The following IL13RA2 variants were observed in gnomAD, a reference collection of about 807,000 sequenced individuals.
IL13RA2 encodes interleukin 13 receptor subunit alpha 2, also known as interleukin-13 receptor subunit alpha-2.
In IL13RA2, 25 loss-of-function variants were observed where a neutral mutation model predicts 34.1. That is an observed-to-expected ratio of 0.73 (90% CI 0.53 to 1.03). The LOEUF is 1.03. Ranked by LOEUF, IL13RA2 falls within the 50% of genes least tolerant of loss-of-function variation. The pLI is 0.00. For missense variants in IL13RA2, 297 were observed against 280.9 expected, an observed-to-expected ratio of 1.06 and a Z score of -0.41; for synonymous variants, 106 against 100.4, an observed-to-expected ratio of 1.06 and a Z score of -0.33.
At chrX:115,014,382 C>A (rs201829251) in intron 4 of IL13RA2, 39 bp downstream of exon 4, 1 of 1,027,372 alleles carries the variant, frequency 9.7e-7, no homozygotes, top group African/African-American at 1.9e-5. Context: ...ATGAATTGTT[C>A]TGATAGTATT....
Position 115,010,822 on chromosome X carries a change from C to A in IL13RA2, c.528G>T (p.Glu176Asp). 1 of 1,007,042 alleles carries A rather than the reference C, an allele frequency of 9.9e-7. No individual in the cohort carries two copies. Among genetic ancestry groups the A allele is most frequent in the East Asian group, 3.4e-5 (1 of 29,612 alleles). 83.0% of individuals were successfully genotyped at this position (1,007,042 alleles called of 1,213,427 possible). A position where few individuals can be genotyped will look rare whatever the true frequency, so the allele number is the denominator to read the frequency against. The change falls in exon 6 of 10, where the codon GAG becomes GAT. Residue 176 changes from glutamate (E) to aspartate (D), a missense_variant. Glu to Asp is a conservative substitution (Grantham distance 45, BLOSUM62 2). Coordinates refer to ENST00000243213, the MANE Select transcript of IL13RA2 (RefSeq NM_000640.3). ...CACACTGTAATGCATGATCCAAGCC[C>A]TCATACCTGTAAAATGAGTGTTGTG... ...DTNYNLFYWY[E>D]GLDHALQCVD...
intron 8 of IL13RA2, among the ~76,000 whole-genome samples, 163 bp from the exon 9 acceptor site, chrX:115,005,478 T>A (rs2071681986): frequency 8.9e-6 from 1 of 112,618 alleles, no homozygotes; most frequent in Non-Finnish European, 1.9e-5. Flanking sequence ...TAGCGTTCCT[T>A]TCATTTGTGC....
Position 115,008,000 on chromosome X carries a change from C to T in IL13RA2, c.929G>A (p.Ser310Asn). ...ATCTGAGCAATAAATATTCACTTTG[C>T]TTCTTACTACAAAGCATAATTGTCG... ...ETRQLCFVVR[S>N]KVNIYCSDDG... Residue 310 changes from serine to asparagine, a missense_variant, in exon 8 of 10, where the codon AGC (serine) becomes AAC (asparagine). Physicochemically the swap from Ser to Asn is conservative, Grantham distance 46 (BLOSUM62 1). Coordinates refer to ENST00000243213, the MANE Select transcript of IL13RA2 (RefSeq NM_000640.3). 9.0e-7 allele frequency: 1 copy of T among 1,111,226 alleles called. No homozygotes were observed. Among genetic ancestry groups the T allele is most frequent in the Admixed American group, 2.2e-5 (1 of 45,462 alleles). 91.6% of individuals were successfully genotyped at this position (1,111,226 alleles called of 1,213,427 possible).
At chrX:115,007,865 C>A in intron 8 of IL13RA2, 67 bp downstream of exon 8, 1 of 670,121 alleles carries the variant, frequency 1.5e-6, no homozygotes, top group South Asian at 2.7e-5. Flanking sequence ...TTACAAAATA[C>A]ACCAAAAGAA....
chrX:115,010,311 C>A (rs1485369513), intron 6 of IL13RA2, among the ~76,000 whole-genome samples: 2 of 112,058 alleles, frequency 1.8e-5, no homozygotes, highest in South Asian at 3.7e-4. Flanking sequence ...GAAGAAGTAT[C>A]TTCATAATTA....
At chrX:115,005,370 T>G (rs1485496410) in intron 8 of IL13RA2, 55 bp from the exon 9 acceptor site, 1 of 613,451 alleles carries the variant, frequency 1.6e-6, no homozygotes, top group African/African-American at 2.2e-5. Context: ...CCACTATTTT[T>G]GAAACTGAAT....
rs782441157 is a variant in IL13RA2, at chrX:115,012,892, G to A, written c.521+877C>T. Among the ~76,000 whole-genome samples the A allele has an allele frequency of 2.1e-3, 236 of 111,815 alleles. 1 individual carries two copies. Among genetic ancestry groups the A allele is most frequent in the Non-Finnish European group, 3.5e-3 (184 of 53,142 alleles). On this transcript the variant is annotated intron_variant, in intron 5 of 9. Coordinates refer to ENST00000243213, the MANE Select transcript of IL13RA2 (RefSeq NM_000640.3). Reference sequence around the variant, plus strand: ...CCTTGAAAAAGATGGATAAAAATTGGTGAAAGAAAGATAGAGCCAGAGGGC... The same window carrying A: ...CCTTGAAAAAGATGGATAAAAATTGATGAAAGAAAGATAGAGCCAGAGGGC...
chrX:115,014,587 A>G lies in IL13RA2; in HGVS notation c.247-13T>C. ...TAGTAATGATGGTCTGTTTGACAAA[A>G]AGATGAGACAAAGTCAAGCTTAGAA... On this transcript the variant is annotated splice_polypyrimidine_tract_variant and intron_variant, in intron 3 of 9. Transcript: ENST00000243213. The G allele has an allele frequency of 8.7e-7, 1 of 1,154,522 alleles. No individual in the cohort carries two copies.
At chrX:115,004,224 A>C in intron 9 of IL13RA2, 118 bp from the exon 10 acceptor site, 1 of 412,474 alleles carries the variant, frequency 2.4e-6, no homozygotes, top group Non-Finnish European at 4.3e-6. Flanking sequence ...AGCATTCTAT[A>C]CACATTCACT....
chrX:115,010,959 G>C (rs2071703886), intron 5 of IL13RA2, 131 bp from the exon 6 acceptor site: 2 of 337,860 alleles, frequency 5.9e-6, no homozygotes, highest in Non-Finnish European at 1.0e-5. Flanking sequence ...TATTTATTAA[G>C]CACCTACTAT....
In IL13RA2 at chrX:115,005,186, A is replaced by T; in HGVS notation, c.1116+11T>A. 1.4e-6 allele frequency: 1 copy of T among 730,364 alleles called. No individual in the cohort carries two copies. The highest frequency in any genetic ancestry group is 2.2e-6 in the Non-Finnish European group (1 of 455,175). 60.2% of individuals were successfully genotyped at this position (730,364 alleles called of 1,213,427 possible). A position where few individuals can be genotyped will look rare whatever the true frequency, so the allele number is the denominator to read the frequency against. ...TTCTCAGGCTAAACATCATAATGTT[A>T]CACATCTTACCATTTTTGGGTAGGT... On this transcript the variant is annotated intron_variant, in intron 9 of 9. Coordinates refer to ENST00000243213, the MANE Select transcript of IL13RA2 (RefSeq NM_000640.3).
At chrX:115,006,271 A>T (rs1056236976) in intron 8 of IL13RA2, among the ~76,000 whole-genome samples, 1 of 112,179 alleles carries the variant, frequency 8.9e-6, no homozygotes, top group African/African-American at 3.2e-5. Context: ...TTTTATTTCC[A>T]AAAATATTAT....
At position 115,015,706 on chromosome X, in the gene IL13RA2, T is replaced by C. The variant is rs1556509788; in HGVS notation, c.210A>G (p.Glu70=). 1.7e-6 allele frequency: 2 copies of C among 1,203,325 alleles called. No homozygotes were observed. Among genetic ancestry groups the C allele is most frequent in the Admixed American group, 2.2e-5 (1 of 45,979 alleles). The change falls in exon 3 of 10, where the codon GAA becomes GAG. Residue 70 remains glutamate (E), a synonymous_variant. Transcript: ENST00000243213. ...CACTACCAATGTTTCGGTATTTTAGTTCATATTCCACTGTGCATTCCTTAA... is the reference window on the plus strand; with the variant it reads ...CACTACCAATGTTTCGGTATTTTAGCTCATATTCCACTGTGCATTCCTTAA... ...DHFKECTVEY[E]LKYRNIGSET... is the part of the protein sequence containing the mutation.
chrX:115,014,307 CCA>C, intron 4 of IL13RA2, 112 bp downstream of exon 4: 1 of 545,260 alleles, frequency 1.8e-6, no homozygotes. Flanking sequence ...CTATTTTGTG[CCA>C]CACTGTCACA....
At chrX:115,015,121 T>C (rs933713750) in intron 3 of IL13RA2, among the ~76,000 whole-genome samples, 2 of 111,992 alleles carry the variant, frequency 1.8e-5, no homozygotes, top group Non-Finnish European at 3.8e-5. Context: ...TGAAACTACC[T>C]AGCTGAATTA....
rs914688652 is a variant in IL13RA2, at chrX:115,012,781, A to C, written c.521+988T>G. Among the ~76,000 whole-genome samples, 107 of 111,139 alleles carry C rather than the reference A, an allele frequency of 9.6e-4. 1 individual carries two copies. The highest frequency in any genetic ancestry group is 3.5e-3 in the Admixed American group (37 of 10,453). The stretch of plus-strand genomic sequence containing the variant: ...CTCTTGTCTCAAACAAACAAACAAA[A>C]AAAAAAACAAAGTAATAGCTCAAGA... On this transcript the variant is annotated intron_variant, in intron 5 of 9. Coordinates refer to ENST00000243213, the MANE Select transcript of IL13RA2 (RefSeq NM_000640.3).
Position 115,007,912 on chromosome X carries a change from A to C in IL13RA2, c.997+20T>G. On this transcript the variant is annotated intron_variant, in intron 8 of 9. Transcript: ENST00000243213. ...CTAGCAAAGAGCTCATTATTTAGTTACTGTCCTTTTAGCTCATACCTTCCC... is the reference window on the plus strand; with the variant it reads ...CTAGCAAAGAGCTCATTATTTAGTTCCTGTCCTTTTAGCTCATACCTTCCC... 1.0e-6 allele frequency: 1 copy of C among 983,447 alleles called. No homozygotes were observed. Among genetic ancestry groups the C allele is most frequent in the Non-Finnish European group, 1.4e-6 (1 of 703,555 alleles). 81.0% of individuals were successfully genotyped at this position (983,447 alleles called of 1,213,427 possible). A position where few individuals can be genotyped will look rare whatever the true frequency, so the allele number is the denominator to read the frequency against.
intron 5 of IL13RA2, among the ~76,000 whole-genome samples, chrX:115,013,513 A>T (rs782070014): frequency 9.0e-6 from 1 of 111,599 alleles, no homozygotes; most frequent in Admixed American, 9.5e-5. Context: ...TCATCTATCT[A>T]AAGGATACAA....
Position 115,015,749 on chromosome X carries a change from G to A in IL13RA2, c.167C>T (p.Pro56Leu). The A allele has an allele frequency of 8.4e-7, 1 of 1,189,083 alleles. No individual in the cohort carries two copies. The highest frequency in any genetic ancestry group is 1.1e-6 in the Non-Finnish European group (1 of 874,841). The change falls in exon 3 of 10, where the codon CCA (proline) becomes CTA (leucine). Residue 56 changes from proline to leucine, a missense_variant. Coordinates refer to ENST00000243213, the MANE Select transcript of IL13RA2 (RefSeq NM_000640.3). ...TTCCTTAAAATGATCCAGAGACAGT[G>A]GGGGTTGCCATTGCAAATAGAGATA... is the stretch of plus-strand genomic sequence containing the variant. Reference protein sequence around the residue: ...LGYLYLQWQPPLSLDHFKECT... With the variant: ...LGYLYLQWQPLLSLDHFKECT...
Sources: allele counts gnomAD v4.1 joint callset (sites outside exome capture counted in the v4.1 genomes callset), GRCh38; gene constraint gnomAD v4.1.1; transcripts MANE v1.5; gene names NCBI Gene and HGNC (gene_info 2026-07-23, HGNC 2026-07-21).